The following STXBP4 variants were observed in gnomAD, a reference collection of about 807,000 sequenced individuals.
STXBP4 encodes syntaxin-binding protein 4.
A neutral mutation model predicts 76.1 loss-of-function variants in STXBP4; 55 were observed. The observed-to-expected ratio is 0.72, with a 90% CI of 0.58 to 0.91. STXBP4 has a LOEUF of 0.91. STXBP4 is among the 40% of genes least tolerant of loss of function. STXBP4 has a pLI of 0.00. For synonymous variants in STXBP4, 201 were observed against 220.2 expected (o/e 0.91, Z 0.77); for missense variants, 618 against 636.9 (o/e 0.97, Z 0.32).
intron 8 of STXBP4, among the ~76,000 whole-genome samples, chr17:55,019,774 A>G (rs2078273413): frequency 6.6e-6 from 1 of 151,968 alleles, no homozygotes; most frequent in Non-Finnish European, 1.5e-5. Flanking sequence ...TTTGAAAGAG[A>G]ATTTTATTGG....
intron 1 of STXBP4, among the ~76,000 whole-genome samples, chr17:54,972,573 T>A (rs1481523096): frequency 6.6e-6 from 1 of 152,258 alleles, no homozygotes; most frequent in Non-Finnish European, 1.5e-5. Context: ...ATGACATGTT[T>A]CCATCATTCT....
intron 15 of STXBP4, 115 bp downstream of exon 15, chr17:55,078,850 C>T (rs1292658024): frequency 1.6e-6 from 1 of 644,742 alleles, no homozygotes; most frequent in African/African-American, 1.9e-5. Flanking sequence ...CTACATAACT[C>T]CCATTGGATG....
chr17:55,135,767 G>T (rs571495534), intron 16 of STXBP4, among the ~76,000 whole-genome samples: 2 of 152,196 alleles, frequency 1.3e-5, no homozygotes, highest in East Asian at 3.9e-4. Context: ...AAAGAACATT[G>T]CTCTTTTAAA....
At position 55,082,733 on chromosome 17, in the gene STXBP4, A is replaced by C. The variant is rs1382801179; in HGVS notation, c.1489+1550A>C. 2.0e-5 allele frequency among the ~76,000 whole-genome samples: 3 copies of C among 152,190 alleles called. No homozygotes were observed. In the East Asian group the frequency reaches 5.8e-4, roughly 29 times the overall value. The stretch of plus-strand genomic sequence containing the variant: ...GTGGGAACCTCTATTGTTGATCCTT[A>C]TTTAAAATATGAACCAACAACCAAG... On this transcript the variant is annotated intron_variant, in intron 16 of 17. Coordinates refer to ENST00000376352, the MANE Select transcript of STXBP4 (RefSeq NM_178509.6).
chr17:55,202,380 C>A, the STXBP4 span, among the ~76,000 whole-genome samples: 2 of 151,294 alleles, frequency 1.3e-5, no homozygotes, highest in African/African-American at 4.9e-5. Flanking sequence ...GGACCTGTTA[C>A]CACAGGTATT....
chr17:55,114,328 G>A (rs2079757669), intron 16 of STXBP4, among the ~76,000 whole-genome samples: 1 of 152,040 alleles, frequency 6.6e-6, no homozygotes, highest in Non-Finnish European at 1.5e-5. Flanking sequence ...AAGTTGCATT[G>A]CAGTATGCCC....
chr17:55,169,581 A>G lies in STXBP4; in HGVS notation c.*9670A>G, dbSNP rs1193493840. 6.6e-6 allele frequency: 1 copy of G among 152,214 alleles called. No homozygotes were observed. Among genetic ancestry groups the G allele is most frequent in the African/African-American group, 2.4e-5 (1 of 41,452 alleles). 9.4% of individuals were successfully genotyped at this position (152,214 alleles called of 1,614,324 possible). A position where few individuals can be genotyped will look rare whatever the true frequency, so the allele number is the denominator to read the frequency against. On this transcript the variant is annotated 3_prime_UTR_variant, in exon 18 of 18. Coordinates refer to ENST00000376352, the MANE Select transcript of STXBP4 (RefSeq NM_178509.6). ...ACATCCAAATACTAAAGACGCTTAGATGTGAAAAATGTGTGTCTTAGAATC... is the reference window on the plus strand; with the variant it reads ...ACATCCAAATACTAAAGACGCTTAGGTGTGAAAAATGTGTGTCTTAGAATC...
intron 10 of STXBP4, among the ~76,000 whole-genome samples, chr17:55,036,325 C>T (rs937969902): frequency 1.3e-5 from 2 of 151,474 alleles, no homozygotes; most frequent in African/African-American, 4.8e-5. Flanking sequence ...CATGTTATGG[C>T]TTCTCATGTA....
At chr17:55,124,606 C>T (rs2079885848) in intron 16 of STXBP4, among the ~76,000 whole-genome samples, 1 of 152,116 alleles carries the variant, frequency 6.6e-6, no homozygotes, top group African/African-American at 2.4e-5. Context: ...TATGAGTTTA[C>T]CTTTACAGTG....
At chr17:55,175,192 T>A (rs2080425015), downstream of STXBP4, among the ~76,000 whole-genome samples, 1 of 151,660 alleles carries the variant, frequency 6.6e-6, no homozygotes, top group Admixed American at 6.6e-5. Context: ...CACTGCAGAG[T>A]AGTTCCTAAG....
At chr17:54,968,848 C>A (rs8064882) in intron 1 of STXBP4, 33 bp downstream of exon 1, 8 of 576,424 alleles carry the variant, frequency 1.4e-5, no homozygotes, top group African/African-American at 7.5e-5. Flanking sequence ...GACTGTTACT[C>A]CCACTTCGCT....
At chr17:55,076,846 C>T (rs2079189075) in intron 13 of STXBP4, among the ~76,000 whole-genome samples, 1 of 151,946 alleles carries the variant, frequency 6.6e-6, no homozygotes, top group Non-Finnish European at 1.5e-5. Flanking sequence ...CAATTTTTGT[C>T]TTTCTGTTCC....
At chr17:55,179,664 G>C in the STXBP4 span, among the ~76,000 whole-genome samples, 4 of 152,016 alleles carry the variant, frequency 2.6e-5, no homozygotes, top group African/African-American at 7.3e-5. Context: ...ATATGAAGAT[G>C]ATGAAGATGA....
chr17:55,038,474 C>T (rs775974044), intron 10 of STXBP4, among the ~76,000 whole-genome samples: 1 of 152,106 alleles, frequency 6.6e-6, no homozygotes, highest in Non-Finnish European at 1.5e-5. Flanking sequence ...GAGATGCTAT[C>T]TTTTAAGTAG....
At chr17:55,082,007 CTT>C (rs1218409861) in intron 16 of STXBP4, among the ~76,000 whole-genome samples, 3 of 152,122 alleles carry the variant, frequency 2.0e-5, no homozygotes, top group Non-Finnish European at 2.9e-5. Context: ...CTTACGTACT[CTT>C]TATTTTCCTG....
At chr17:55,179,652 CA>C in the STXBP4 span, among the ~76,000 whole-genome samples, 154 of 152,262 alleles carry the variant, frequency 1.0e-3, no homozygotes, top group Non-Finnish European at 1.0e-4. Flanking sequence ...TCTCCCTATT[CA>C]ATATGAAGAT....
At chr17:55,207,328 G>A in the STXBP4 span, among the ~76,000 whole-genome samples, 1 of 151,934 alleles carries the variant, frequency 6.6e-6, no homozygotes, top group Non-Finnish European at 1.5e-5. Flanking sequence ...AGACACACTC[G>A]AGGCTCCCCC....
At chr17:55,095,328 G>A (rs1252211429) in intron 16 of STXBP4, among the ~76,000 whole-genome samples, 1 of 152,178 alleles carries the variant, frequency 6.6e-6, no homozygotes, top group Non-Finnish European at 1.5e-5. Context: ...AGTATAGTGT[G>A]TGTTTCAGTC....
At chr17:55,085,250 C>T (rs2079310812) in intron 16 of STXBP4, among the ~76,000 whole-genome samples, 1 of 151,998 alleles carries the variant, frequency 6.6e-6, no homozygotes, top group Non-Finnish European at 1.5e-5. Context: ...GGAGATATAC[C>T]TAATGCTAGA....
Sources: allele counts gnomAD v4.1 joint callset (sites outside exome capture counted in the v4.1 genomes callset), GRCh38; gene constraint gnomAD v4.1.1; transcripts MANE v1.5; gene names NCBI Gene and HGNC (gene_info 2026-07-23, HGNC 2026-07-21).